TMCC3: variants seen among roughly 807,000 people sequenced by gnomAD.
The protein encoded by TMCC3 is transmembrane and coiled-coil domain protein 3.
In TMCC3, 28 loss-of-function variants were observed where a neutral mutation model predicts 40.2. The observed-to-expected ratio is 0.70, with a 90% confidence interval of 0.52 to 0.95. The LOEUF (loss-of-function observed/expected upper bound fraction) is 0.95. Ranked by LOEUF, TMCC3 falls within the 40% of genes least tolerant of loss-of-function variation. TMCC3 has a pLI of 0.00. For synonymous variants in TMCC3, 255 were observed against 248.5 expected, an observed-to-expected ratio of 1.03 and a Z score of -0.25; for missense variants, 554 against 615.2, an observed-to-expected ratio of 0.90 and a Z score of 1.05.
chr12:94,614,290 A>G (rs1036223562), intron 1 of TMCC3, among the ~76,000 whole-genome samples: 1 of 152,252 alleles, frequency 6.6e-6, no homozygotes, highest in South Asian at 2.1e-4. Context: ...CTGGTCTCAA[A>G]GGTCCTCGGG....
chr12:94,617,245 G>GA (rs1433832045), intron 1 of TMCC3, among the ~76,000 whole-genome samples: 1 of 152,192 alleles, frequency 6.6e-6, no homozygotes, highest in East Asian at 1.9e-4. Flanking sequence ...AACAGAGAGA[G>GA]AAAGGGACAG....
intron 1 of TMCC3, among the ~76,000 whole-genome samples, chr12:94,630,970 C>G (rs2138876328): frequency 6.6e-6 from 1 of 152,318 alleles, no homozygotes; most frequent in African/African-American, 2.4e-5. Context: ...CTCAAGTGAT[C>G]TGCCCACCTC....
chr12:94,644,203 C>T (rs561291371), intron 1 of TMCC3, among the ~76,000 whole-genome samples: 9 of 152,292 alleles, frequency 5.9e-5, no homozygotes, highest in East Asian at 3.9e-4. Context: ...TGTTCTCTTT[C>T]GAAGGAATGA....
chr12:94,597,124 CATATATATATATATAT>C (rs869220054), intron 1 of TMCC3, among the ~76,000 whole-genome samples: 1 of 29,836 alleles, frequency 3.4e-5, no homozygotes, highest in East Asian at 3.6e-4. Flanking sequence ...TATTAAAATA[CATATATATATATATAT>C]ATATATATAT....
rs1275588993 is a variant in TMCC3 at position 94,571,186 on chromosome 12, C to T, written c.*249G>A. 2.0e-6 allele frequency: 1 copy of T among 510,708 alleles called. No individual in the cohort carries two copies. The highest frequency in any genetic ancestry group is 3.3e-5 in the Admixed American group (1 of 29,884). The allele number at this position is 510,708 out of a possible 1,614,324, so 31.6% of individuals were successfully genotyped here. On this transcript the variant is annotated 3_prime_UTR_variant, in exon 4 of 4. Transcript: ENST00000261226. ...TACCACGCTGGGCTGGTCAGGTGGG[C>T]AGGAAATCGGTCTGATTAAGGCAGT...
rs188135614 is a variant in TMCC3 at position 94,615,573 on chromosome 12, T to G, written c.79-33035A>C. On this transcript the variant is annotated intron_variant, in intron 1 of 3. Transcript: ENST00000261226. Reference sequence around the variant, plus strand: ...GAGCCTGGTTAGACCCGGGGTTACTTTCGAACTCCCAGGGAGGTGGGAGGA... The same window carrying G: ...GAGCCTGGTTAGACCCGGGGTTACTGTCGAACTCCCAGGGAGGTGGGAGGA... Among the ~76,000 whole-genome samples the G allele has an allele frequency of 2.2e-3, 338 of 152,290 alleles. 1 individual carries two copies. Among genetic ancestry groups the G allele is most frequent in the Non-Finnish European group, 4.4e-3 (300 of 68,006 alleles).
intron 1 of TMCC3, among the ~76,000 whole-genome samples, chr12:94,617,189 T>A (rs1243536527): frequency 6.6e-6 from 1 of 152,182 alleles, no homozygotes; most frequent in Non-Finnish European, 1.5e-5. Flanking sequence ...TCAGACATGA[T>A]AAACTTAAGG....
intron 1 of TMCC3, among the ~76,000 whole-genome samples, chr12:94,636,444 T>C (rs1594298678): frequency 1.3e-5 from 2 of 152,282 alleles, no homozygotes; most frequent in East Asian, 3.9e-4. Context: ...ACACCAAACA[T>C]ATAATTCAGG....
At chr12:94,635,075 A>G (rs766494686) in intron 1 of TMCC3, among the ~76,000 whole-genome samples, 2 of 152,224 alleles carry the variant, frequency 1.3e-5, no homozygotes, top group Non-Finnish European at 2.9e-5. Context: ...ACACAAGCGC[A>G]TCTAGTGATA....
intron 1 of TMCC3, among the ~76,000 whole-genome samples, chr12:94,582,921 G>A (rs1049999026): frequency 6.6e-6 from 1 of 150,582 alleles, no homozygotes; most frequent in African/African-American, 2.4e-5. Flanking sequence ...CCACTATGGG[G>A]AACGCATCCA....
chr12:94,634,736 A>G (rs1352198094), intron 1 of TMCC3, among the ~76,000 whole-genome samples: 4 of 152,254 alleles, frequency 2.6e-5, no homozygotes, highest in Non-Finnish European at 4.4e-5. Context: ...AGCCACCTGA[A>G]TGAAAGAGAC....
chr12:94,581,248 T>A (rs1306218180), intron 2 of TMCC3, among the ~76,000 whole-genome samples: 1 of 152,174 alleles, frequency 6.6e-6, no homozygotes, highest in Non-Finnish European at 1.5e-5. Context: ...GTGCCTCAAG[T>A]TTGTGTTAAG....
chr12:94,608,045 T>G lies in TMCC3; in HGVS notation c.79-25507A>C, dbSNP rs552433512. 3.3e-5 allele frequency among the ~76,000 whole-genome samples: 5 copies of G among 152,348 alleles called. No individual in the cohort carries two copies. The East Asian group carries it at 7.7e-4, about 23-fold the overall frequency. ...GTGTCAGAGAAACACTTTGCTTGAT[T>G]GCTTTTCTTCCTGGATAAACATGTA... On this transcript the variant is annotated intron_variant, in intron 1 of 3. Coordinates refer to ENST00000261226, the MANE Select transcript of TMCC3 (RefSeq NM_020698.4).
rs2068675496 is a variant in TMCC3, at chr12:94,591,517, G to C, written c.79-8979C>G. Among the ~76,000 whole-genome samples, 3 of 152,062 alleles carry C rather than the reference G, an allele frequency of 2.0e-5. No individual in the cohort carries two copies. In the South Asian group the frequency reaches 6.2e-4, roughly 32 times the overall value. On this transcript the variant is annotated intron_variant, in intron 1 of 3. Transcript: ENST00000261226. ...CTCACACCTGTAATCTCAGCACTTT[G>C]GGAGGGGAGATTGCTTTAGCCCAGG...
chr12:94,579,072 T>A (rs1042377038), intron 2 of TMCC3, among the ~76,000 whole-genome samples: 3 of 152,236 alleles, frequency 2.0e-5, no homozygotes, highest in African/African-American at 7.2e-5. Flanking sequence ...GGAACTTAAC[T>A]GACAATACAA....
At chr12:94,650,251 G>A (rs973180271) in intron 1 of TMCC3, 102 bp downstream of exon 1, 17 of 716,560 alleles carry the variant, frequency 2.4e-5, no homozygotes, top group South Asian at 6.5e-5. Flanking sequence ...GAGGGCGGCG[G>A]CGAAACGCCG....
intron 1 of TMCC3, among the ~76,000 whole-genome samples, chr12:94,633,949 A>ATTTT (rs775942177): frequency 3.5e-5 from 5 of 142,250 alleles, no homozygotes; most frequent in African/African-American, 1.0e-4. Context: ...TTTGTTTTTT[A>ATTTT]TTTTTTTTTT....
chr12:94,598,916 C>T (rs1050862428), intron 1 of TMCC3: 1 of 310,654 alleles, frequency 3.2e-6, no homozygotes, highest in Non-Finnish European at 4.7e-6. Flanking sequence ...ATCTCCAAAA[C>T]ACAGGCAACA....
At chr12:94,624,542 G>A (rs541370424) in intron 1 of TMCC3, among the ~76,000 whole-genome samples, 3 of 151,728 alleles carry the variant, frequency 2.0e-5, no homozygotes, top group East Asian at 3.9e-4. Flanking sequence ...GTGAAAACCC[G>A]TCTCCACTAA....
Sources: allele counts gnomAD v4.1 joint callset (sites outside exome capture counted in the v4.1 genomes callset), GRCh38; gene constraint gnomAD v4.1.1; transcripts MANE v1.5; gene names NCBI Gene and HGNC (gene_info 2026-07-23, HGNC 2026-07-21).